The following OR56A3 variants were observed in gnomAD, a reference collection of about 807,000 sequenced individuals.
The protein encoded by OR56A3 is olfactory receptor 56A3.
A neutral mutation model predicts 17.5 loss-of-function variants in OR56A3; 23 were observed. The observed-to-expected ratio is 1.32, with a 90% CI of 0.95 to 1.87. The LOEUF (loss-of-function observed/expected upper bound fraction) is 1.87, where lower values mean the gene tolerates loss of function less well. OR56A3 is among the 40% of genes most tolerant of loss of function. OR56A3 has a pLI of 0.00. For missense variants in OR56A3, 366 were observed against 380.1 expected, an observed-to-expected ratio of 0.96 and a Z score of 0.31; for synonymous variants, 175 against 150.6, an observed-to-expected ratio of 1.16 and a Z score of -1.19.
chr11:5,942,423 G>A (rs1191799867), intron 1 of OR56A3, 49 bp downstream of exon 1: 1 of 152,184 alleles, frequency 6.6e-6, no homozygotes, highest in Non-Finnish European at 1.5e-5. Flanking sequence ...GCCATCCTCT[G>A]GGTGCTTGGT....
chr11:5,993,960 G>T, the OR56A3 span: 23 of 443,466 alleles, frequency 5.2e-5, no homozygotes, highest in South Asian at 3.4e-4. Context: ...TGAATGGTTC[G>T]CATGGAGTTG....
At chr11:5,973,312 C>T in the OR56A3 span, among the ~76,000 whole-genome samples, 9 of 152,028 alleles carry the variant, frequency 5.9e-5, no homozygotes, top group African/African-American at 2.2e-4. Context: ...AAAATAAAAC[C>T]AACTTTCCTA....
At chr11:6,019,698 C>T in the OR56A3 span, 5 of 152,012 alleles carry the variant, frequency 3.3e-5, no homozygotes, top group African/African-American at 9.7e-5. Context: ...AATTGTCTTT[C>T]CAATTTAAAA....
At chr11:5,986,323 A>G in the OR56A3 span, 3 of 1,614,068 alleles carry the variant, frequency 1.9e-6, no homozygotes, top group South Asian at 2.2e-5. Flanking sequence ...GGCAAGTTTC[A>G]CAACAGCCAT....
At chr11:5,989,801 A>G in the OR56A3 span, among the ~76,000 whole-genome samples, 1 of 152,240 alleles carries the variant, frequency 6.6e-6, no homozygotes, top group Non-Finnish European at 1.5e-5. Context: ...ATTGCAATTA[A>G]TTGTTATTAA....
the OR56A3 span, among the ~76,000 whole-genome samples, chr11:5,964,344 G>A: frequency 1.3e-5 from 2 of 152,210 alleles, no homozygotes; most frequent in African/African-American, 4.8e-5. Context: ...AGTTATATCA[G>A]TCATCACAGT....
At position 5,948,886 on chromosome 11, in the gene OR56A3, A is replaced by C. The variant is rs537507453; in HGVS notation, c.*592A>C. ...TCTGGAAGACAAGTAAATTTTTGTA[A>C]TGTGCATTGCAAGAGGGCAAGGGTT... On this transcript the variant is annotated 3_prime_UTR_variant, in exon 3 of 3. Transcript: ENST00000641160. The C allele has an allele frequency of 6.5e-6, 1 of 153,498 alleles. No individual in the cohort carries two copies. The highest frequency in any genetic ancestry group is 6.4e-5 in the Admixed American group (1 of 15,512). The allele number at this position is 153,498 out of a possible 1,614,324, so 9.5% of individuals were successfully genotyped here. A position where few individuals can be genotyped will look rare whatever the true frequency, so the allele number is the denominator to read the frequency against.
chr11:5,957,951 G>A, the OR56A3 span, among the ~76,000 whole-genome samples: 2 of 152,048 alleles, frequency 1.3e-5, no homozygotes, highest in African/African-American at 4.8e-5. Flanking sequence ...CAGAAAAGTG[G>A]TGGCCAATGT....
the OR56A3 span, among the ~76,000 whole-genome samples, chr11:6,011,204 T>TA: frequency 0.015 from 1,806 of 122,486 alleles, 32 homozygotes; most frequent in Admixed American, 0.018. Flanking sequence ...GAGATTTATT[T>TA]TATATATATA....
At chr11:5,972,893 G>C in the OR56A3 span, among the ~76,000 whole-genome samples, 31 of 152,136 alleles carry the variant, frequency 2.0e-4, no homozygotes, top group Non-Finnish European at 3.8e-4. Flanking sequence ...CACCGTGCCC[G>C]GCAGGGAACA....
At chr11:5,991,124 C>G in the OR56A3 span, among the ~76,000 whole-genome samples, 4 of 152,158 alleles carry the variant, frequency 2.6e-5, no homozygotes, top group African/African-American at 9.7e-5. Flanking sequence ...CCCTCAAGGT[C>G]TATGCAGCTA....
chr11:5,997,419 C>T, the OR56A3 span, among the ~76,000 whole-genome samples: 1 of 152,136 alleles, frequency 6.6e-6, no homozygotes, highest in East Asian at 1.9e-4. Context: ...TTTAATGCAC[C>T]ATCAGACCTA....
In OR56A3 at chr11:5,942,291, C is replaced by T. The variant is rs1484933209; in HGVS notation, c.-397C>T. 1 of 152,200 alleles carries T rather than the reference C, an allele frequency of 6.6e-6. No individual in the cohort carries two copies. Among genetic ancestry groups the T allele is most frequent in the African/African-American group, 2.4e-5 (1 of 41,460 alleles). 9.4% of individuals were successfully genotyped at this position (152,200 alleles called of 1,614,324 possible). On this transcript the variant is annotated 5_prime_UTR_variant, in exon 1 of 3. Coordinates refer to ENST00000641160, the MANE Select transcript of OR56A3 (RefSeq NM_001003443.3). Reference sequence around the variant, plus strand: ...CTAGAGAGATCTCTGTCTTCAGTCCCTATCTGTGCTCTTTTCCATTCCTGC... The same window carrying T: ...CTAGAGAGATCTCTGTCTTCAGTCCTTATCTGTGCTCTTTTCCATTCCTGC...
At chr11:5,953,542 A>G (rs1180712279), downstream of OR56A3, among the ~76,000 whole-genome samples, 3 of 152,152 alleles carry the variant, frequency 2.0e-5, no homozygotes, top group Non-Finnish European at 4.4e-5. Context: ...TAAGTGCCAT[A>G]TGATTGAAAG....
chr11:5,968,324 A>G, the OR56A3 span: 2 of 1,613,114 alleles, frequency 1.2e-6, no homozygotes, highest in Non-Finnish European at 1.7e-6. Flanking sequence ...GCTGGTGCAG[A>G]GAGGCTTCCA....
the OR56A3 span, among the ~76,000 whole-genome samples, chr11:5,970,607 A>ATT: frequency 6.6e-6 from 1 of 151,482 alleles, no homozygotes; most frequent in Non-Finnish European, 1.5e-5. Context: ...TAATGCATAG[A>ATT]TTTTTTTTTA....
At chr11:5,951,697 C>T (rs550684673), downstream of OR56A3, among the ~76,000 whole-genome samples, 1 of 152,274 alleles carries the variant, frequency 6.6e-6, no homozygotes, top group Non-Finnish European at 1.5e-5. Flanking sequence ...CAGAGGATGG[C>T]AGTGGCCCTT....
At chr11:5,970,425 T>C in the OR56A3 span, among the ~76,000 whole-genome samples, 5 of 152,230 alleles carry the variant, frequency 3.3e-5, no homozygotes, top group African/African-American at 1.2e-4. Context: ...TCATTGGTGG[T>C]CCTAGCAAAC....
downstream of OR56A3, among the ~76,000 whole-genome samples, chr11:5,953,966 GA>G (rs1266228272): frequency 6.6e-6 from 1 of 151,912 alleles, no homozygotes; most frequent in Non-Finnish European, 1.5e-5. Flanking sequence ...AGTTGCAGGG[GA>G]AAAAAGGTGA....
Sources: gnomAD v4.1 joint callset for allele counts (sites outside exome capture counted in the v4.1 genomes callset) on GRCh38, gnomAD v4.1.1 for gene constraint, MANE v1.5 for transcripts, NCBI Gene and HGNC (gene_info 2026-07-23, HGNC 2026-07-21) for gene names.